RNF2: variants seen among roughly 807,000 people sequenced by gnomAD.
RNF2 encodes ring finger protein 2.
In RNF2, 6 loss-of-function variants were observed where a neutral mutation model predicts 37.2. The observed-to-expected ratio is 0.16, with a 90% CI of 0.09 to 0.32. RNF2 has a LOEUF of 0.32. RNF2 is among the 10% of genes least tolerant of loss of function. The pLI, the probability that RNF2 is intolerant of heterozygous loss-of-function variation, is 1.00. For missense variants in RNF2, 251 were observed against 404.0 expected, an observed-to-expected ratio of 0.62 and a Z score of 3.25; for synonymous variants, 133 against 132.7, an observed-to-expected ratio of 1.00 and a Z score of -0.02.
At chr1:185,068,567 A>G (rs1186793053) in intron 1 of RNF2, among the ~76,000 whole-genome samples, 1 of 152,202 alleles carries the variant, frequency 6.6e-6, no homozygotes, top group Non-Finnish European at 1.5e-5. Flanking sequence ...ATTTGCCCCA[A>G]CCTGAAAGAG....
At chr1:185,056,001 A>G (rs973731695) in intron 1 of RNF2, among the ~76,000 whole-genome samples, 2 of 152,172 alleles carry the variant, frequency 1.3e-5, no homozygotes, top group Admixed American at 1.3e-4. Context: ...AAGGCTCTCA[A>G]ATATTAAAGT....
intron 5 of RNF2, among the ~76,000 whole-genome samples, 161 bp downstream of exon 5, chr1:185,098,505 CAT>C (rs1408168994): frequency 1.3e-5 from 2 of 152,180 alleles, no homozygotes; most frequent in Non-Finnish European, 2.9e-5. Context: ...CTTCCTCCCT[CAT>C]GTGCTTTCCA....
At chr1:185,093,892 A>G (rs548406743) in intron 4 of RNF2, among the ~76,000 whole-genome samples, 1 of 152,284 alleles carries the variant, frequency 6.6e-6, no homozygotes, top group Admixed American at 6.5e-5. Flanking sequence ...TCTGTCTCCA[A>G]ATTATCTTAC....
At chr1:185,089,483 G>C (rs1201544491) in intron 2 of RNF2, among the ~76,000 whole-genome samples, 1 of 152,140 alleles carries the variant, frequency 6.6e-6, no homozygotes. Context: ...TGGTGACCTT[G>C]ACAAGAGCAC....
Position 185,099,978 on chromosome 1 carries a change from A to G in RNF2, c.909+16A>G. 6.3e-7 allele frequency: 1 copy of G among 1,599,070 alleles called. No homozygotes were observed. The highest frequency in any genetic ancestry group is 8.6e-7 in the Non-Finnish European group (1 of 1,168,964). On this transcript the variant is annotated intron_variant, in intron 6 of 6. Coordinates refer to ENST00000367510, the MANE Select transcript of RNF2 (RefSeq NM_007212.4). ...CCAGTTCACTGTGAGTATTTAAAAT[A>G]ATAGACTGTTGAAACTGGGAGCACA...
At chr1:185,095,361 CAG>C (rs1278349890) in intron 4 of RNF2, among the ~76,000 whole-genome samples, 1 of 152,196 alleles carries the variant, frequency 6.6e-6, no homozygotes, top group East Asian at 1.9e-4. Context: ...GCTTCTGCCT[CAG>C]AGCCTTTGTA....
Position 185,100,624 on chromosome 1 carries a change from A to G in RNF2, c.*323A>G, listed in dbSNP as rs1490858884. ...AATTTTTCATAGTTTCTGTATTCTT[A>G]TAAGATTCAGTTGGCTGTCCTTTTC... On this transcript the variant is annotated 3_prime_UTR_variant, in exon 7 of 7. Coordinates refer to ENST00000367510, the MANE Select transcript of RNF2 (RefSeq NM_007212.4). 3 of 180,446 alleles carry G rather than the reference A, an allele frequency of 1.7e-5. No homozygotes were observed. Among genetic ancestry groups the G allele is most frequent in the Admixed American group, 6.2e-5 (1 of 16,124 alleles). 11.2% of individuals were successfully genotyped at this position (180,446 alleles called of 1,614,324 possible). A position where few individuals can be genotyped will look rare whatever the true frequency, so the allele number is the denominator to read the frequency against.
rs368423981 is a variant in RNF2, at chr1:185,075,997, A to T, written c.-2-11555A>T. On this transcript the variant is annotated intron_variant, in intron 1 of 6. Coordinates refer to ENST00000367510, the MANE Select transcript of RNF2 (RefSeq NM_007212.4). ...ATTTTATTGGTTATGTATTGTGTTA[A>T]TTACTCATCATTTTGCTTATATTGT... Among the ~76,000 whole-genome samples the T allele has an allele frequency of 1.2e-4, 19 of 152,258 alleles. No homozygotes were observed. In the East Asian group the frequency reaches 3.3e-3, roughly 26 times the overall value.
At chr1:185,055,188 T>G (rs1650397635) in intron 1 of RNF2, among the ~76,000 whole-genome samples, 1 of 152,218 alleles carries the variant, frequency 6.6e-6, no homozygotes, top group African/African-American at 2.4e-5. Flanking sequence ...AGAAGTATTT[T>G]GGATTTCAGA....
intron 2 of RNF2, among the ~76,000 whole-genome samples, chr1:185,089,988 C>T (rs145512210): frequency 2.6e-5 from 4 of 152,122 alleles, no homozygotes; most frequent in African/African-American, 7.2e-5. Context: ...GTGGCGTGAT[C>T]GCGGCTCACT....
intron 1 of RNF2, among the ~76,000 whole-genome samples, chr1:185,065,748 G>A (rs938580796): frequency 2.2e-4 from 33 of 152,156 alleles, no homozygotes; most frequent in Non-Finnish European, 4.0e-4. Context: ...CTGCGGCTTC[G>A]TTCTTGAAGT....
At position 185,100,645 on chromosome 1, in the gene RNF2, T is replaced by C; in HGVS notation, c.*344T>C. ...TCTTATAAGATTCAGTTGGCTGTCC[T>C]TTTCCTGCTCCCCTCAAAAGATTTT... On this transcript the variant is annotated 3_prime_UTR_variant, in exon 7 of 7. Coordinates refer to ENST00000367510, the MANE Select transcript of RNF2 (RefSeq NM_007212.4). The C allele has an allele frequency of 5.9e-6, 1 of 168,244 alleles. No homozygotes were observed. The highest frequency in any genetic ancestry group is 6.3e-5 in the Admixed American group (1 of 15,754). The allele number at this position is 168,244 out of a possible 1,614,324, so 10.4% of individuals were successfully genotyped here.
chr1:185,098,321 A>G lies in RNF2; in HGVS notation c.714A>G (p.Glu238=), dbSNP rs1651971811. The change falls in exon 5 of 7, where the codon GAA becomes GAG. Residue 238 remains glutamate (E), a synonymous_variant. Coordinates refer to ENST00000367510, the MANE Select transcript of RNF2 (RefSeq NM_007212.4). ...LVFRPHPTLM[E]KDDSAQTRYI... ...TCAGGCCTCATCCCACACTTATGGA[A>G]AAAGATGACAGTGCACAGACGAGGT... 6.2e-7 allele frequency: 1 copy of G among 1,614,062 alleles called. No individual in the cohort carries two copies. Among genetic ancestry groups the G allele is most frequent in the Non-Finnish European group, 8.5e-7 (1 of 1,180,030 alleles).
intron 1 of RNF2, 86 bp downstream of exon 1, chr1:185,045,735 G>C (rs1440807983): frequency 6.6e-6 from 1 of 152,100 alleles, no homozygotes; most frequent in African/African-American, 2.4e-5. Flanking sequence ...GGCGACTGAC[G>C]GGGGCCCCGG....
intron 1 of RNF2, among the ~76,000 whole-genome samples, chr1:185,052,700 G>GT (rs1650305919): frequency 1.3e-5 from 2 of 152,282 alleles, no homozygotes; most frequent in South Asian, 2.1e-4. Flanking sequence ...ACCCCAGTAA[G>GT]TTTTTTTAAA....
At chr1:185,063,471 C>T (rs1233281616) in intron 1 of RNF2, among the ~76,000 whole-genome samples, 2 of 152,168 alleles carry the variant, frequency 1.3e-5, no homozygotes, top group African/African-American at 4.8e-5. Context: ...TTTCTTTTGG[C>T]AGAAGATAAG....
rs1553241118 is a variant in RNF2, at chr1:185,077,621, C to CTTTTTTT, written c.-2-9928_-2-9927insTTTTTTT. Among the ~76,000 whole-genome samples, 87 of 111,470 alleles carry CTTTTTTT rather than the reference C, an allele frequency of 7.8e-4. 1 individual carries two copies. The highest frequency in any genetic ancestry group is 4.1e-3 in the Middle Eastern group (1 of 242). The allele number at this position is 111,470 out of a possible 152,430, so 73.1% of individuals were successfully genotyped here. ...TGGTTTTTTAATTGTTAGGAATTAACTTTGTTTTTTTTTTTTTGGCTAGAA... is the reference window on the plus strand; with the variant it reads ...TGGTTTTTTAATTGTTAGGAATTAACTTTTTTTTTTGTTTTTTTTTTTTTGGCTAGAA... On this transcript the variant is annotated intron_variant, in intron 1 of 6. Coordinates refer to ENST00000367510, the MANE Select transcript of RNF2 (RefSeq NM_007212.4).
chr1:185,094,603 G>T (rs567335481), intron 4 of RNF2, among the ~76,000 whole-genome samples: 2 of 152,236 alleles, frequency 1.3e-5, no homozygotes, highest in Non-Finnish European at 2.9e-5. Flanking sequence ...TACTTCCCAT[G>T]CTTACTCCCA....
At position 185,098,363 on chromosome 1, in the gene RNF2, T is replaced by C. The variant is rs1014976991; in HGVS notation, c.737+19T>C. 1 of 1,606,568 alleles carries C rather than the reference T, an allele frequency of 6.2e-7. No individual in the cohort carries two copies. Among genetic ancestry groups the C allele is most frequent in the Non-Finnish European group, 8.5e-7 (1 of 1,174,688 alleles). On this transcript the variant is annotated intron_variant, in intron 5 of 6. Coordinates refer to ENST00000367510, the MANE Select transcript of RNF2 (RefSeq NM_007212.4). The stretch of plus-strand genomic sequence containing the variant: ...AGACGAGGTAAGTGTGTGGATTAGT[T>C]TCAGATTATCTAAATTCAGAATGTT...
Sources: allele counts gnomAD v4.1 joint callset (sites outside exome capture counted in the v4.1 genomes callset), GRCh38; gene constraint gnomAD v4.1.1; transcripts MANE v1.5; gene names NCBI Gene and HGNC (gene_info 2026-07-23, HGNC 2026-07-21).